FAM50B: variants seen among roughly 807,000 people sequenced by gnomAD.
FAM50B encodes the protein protein FAM50B.
A neutral mutation model predicts 25.4 loss-of-function variants in FAM50B; 9 were observed. The ratio of observed to expected loss-of-function variants is 0.35; its 90% confidence interval spans 0.21 to 0.62. The LOEUF (loss-of-function observed/expected upper bound fraction) is 0.62, where lower values mean the gene tolerates loss of function less well. FAM50B is among the 20% of genes least tolerant of loss of function. FAM50B has a pLI of 0.73. For missense variants in FAM50B, 372 were observed against 477.9 expected (o/e 0.78, Z 2.07); for synonymous variants, 212 against 204.3 (o/e 1.04, Z -0.32).
upstream of FAM50B, among the ~76,000 whole-genome samples, chr6:3,846,280 A>G (rs1350376763): frequency 6.6e-6 from 1 of 152,260 alleles, no homozygotes; most frequent in Non-Finnish European, 1.5e-5. Flanking sequence ...AGACCACCAC[A>G]AAGACAGTCA....
upstream of FAM50B, among the ~76,000 whole-genome samples, chr6:3,847,703 CTGTT>C (rs1255520073): frequency 5.3e-5 from 8 of 152,230 alleles, no homozygotes; most frequent in Admixed American, 1.3e-4. Flanking sequence ...ACTTAGCTAA[CTGTT>C]TGGCAAAAGA....
rs757035966 is a variant in FAM50B at position 3,850,695 on chromosome 6, G to T, written c.884G>T (p.Arg295Leu). The T allele has an allele frequency of 6.2e-7, 1 of 1,614,102 alleles. No individual in the cohort carries two copies. The highest frequency in any genetic ancestry group is 8.5e-7 in the Non-Finnish European group (1 of 1,180,030). Residue 295 changes from arginine (R) to leucine (L), a missense_variant, in exon 2 of 2, where the codon CGC (arginine) becomes CTC (leucine). Physicochemically the swap from Arg to Leu is moderately radical, Grantham distance 102. Around this residue, in one of 4 missense-constraint regions of FAM50B, gnomAD observed 57 missense variants for 65.8 expected, o/e 0.87. Coordinates refer to ENST00000648326, the MANE Select transcript of FAM50B (RefSeq NM_012135.3). Reference protein sequence around the residue: ...DESHAGKVVLRSWYEKNKHIF... With the variant: ...DESHAGKVVLLSWYEKNKHIF... ...TCGCACGCGGGCAAGGTGGTGCTGC[G>T]CAGCTGGTACGAGAAGAACAAGCAC...
the FAM50B span, among the ~76,000 whole-genome samples, chr6:3,834,157 T>C: frequency 2.0e-5 from 3 of 151,812 alleles, no homozygotes; most frequent in African/African-American, 4.8e-5. Context: ...TAACTACATA[T>C]GTAAAAAGAA....
the FAM50B span, among the ~76,000 whole-genome samples, chr6:3,832,406 T>C: frequency 6.6e-6 from 1 of 152,208 alleles, no homozygotes; most frequent in Non-Finnish European, 1.5e-5. Flanking sequence ...ACTTAAAATG[T>C]TCTCCTCCCT....
upstream of FAM50B, chr6:3,849,343 C>G (rs905235311): frequency 6.4e-6 from 1 of 156,678 alleles, no homozygotes; most frequent in Non-Finnish European, 1.4e-5. Flanking sequence ...CCTCAGGGCC[C>G]GCCTCCCCGC....
intron 1 of FAM50B, 52 bp from the exon 2 acceptor site, chr6:3,849,737 C>T: frequency 1.1e-5 from 17 of 1,494,278 alleles, no homozygotes; most frequent in Admixed American, 6.3e-5. Context: ...GAGCATTCCC[C>T]GCCGTTGCGT....
At chr6:3,833,163 G>A in the FAM50B span, among the ~76,000 whole-genome samples, 21 of 152,078 alleles carry the variant, frequency 1.4e-4, no homozygotes, top group African/African-American at 3.4e-4. Flanking sequence ...CCTGGCAACC[G>A]TTTTAATTTT....
the FAM50B span, among the ~76,000 whole-genome samples, chr6:3,841,090 T>G: frequency 6.6e-6 from 1 of 152,172 alleles, no homozygotes; most frequent in Non-Finnish European, 1.5e-5. Context: ...AGTCTGCAGA[T>G]AGTTAAAAGA....
In FAM50B at chr6:3,850,663, G is replaced by A. The variant is rs934092798; in HGVS notation, c.852G>A (p.Lys284=). The change falls in exon 2 of 2, where the codon AAG becomes AAA. Residue 284 remains lysine, a synonymous_variant. Transcript: ENST00000648326. ...TGCTCAGCGACGCCACCATGGAGAA[G>A]GACGAGTCGCACGCGGGCAAGGTGG... is the stretch of plus-strand genomic sequence containing the variant. ...VRLLSDATME[K]DESHAGKVVL... The A allele has an allele frequency of 6.2e-7, 1 of 1,614,170 alleles. No individual in the cohort carries two copies. The highest frequency in any genetic ancestry group is 2.2e-5 in the East Asian group (1 of 44,872).
chr6:3,834,515 T>C, the FAM50B span, among the ~76,000 whole-genome samples: 1 of 151,956 alleles, frequency 6.6e-6, no homozygotes, highest in East Asian at 1.9e-4. Context: ...AAGAAAACAA[T>C]TGGTAAAAGA....
Position 3,850,901 on chromosome 6 carries a change from A to C in FAM50B, c.*112A>C. Reference sequence around the variant, plus strand: ...ATTTCTTCCCCCAAATTTAATAAAGACAGAGGGTTCTCATGATTCACATTG... The same window carrying C: ...ATTTCTTCCCCCAAATTTAATAAAGCCAGAGGGTTCTCATGATTCACATTG... On this transcript the variant is annotated 3_prime_UTR_variant, in exon 2 of 2. Coordinates refer to ENST00000648326, the MANE Select transcript of FAM50B (RefSeq NM_012135.3). The C allele has an allele frequency of 6.8e-7, 1 of 1,467,770 alleles. No homozygotes were observed. The highest frequency in any genetic ancestry group is 9.1e-7 in the Non-Finnish European group (1 of 1,095,524). The allele number at this position is 1,467,770 out of a possible 1,614,324, so 90.9% of individuals were successfully genotyped here. A position where few individuals can be genotyped will look rare whatever the true frequency, so the allele number is the denominator to read the frequency against.
At chr6:3,849,071 T>C (rs2239713), upstream of FAM50B, among the ~76,000 whole-genome samples, 112,990 of 152,214 alleles carry the variant, frequency 0.74, 42,561 homozygotes, top group African/African-American at 0.86. Context: ...GTGTTTACAG[T>C]TGGGCACGAG....
At chr6:3,844,443 G>C (rs1224919059), upstream of FAM50B, among the ~76,000 whole-genome samples, 1 of 152,158 alleles carries the variant, frequency 6.6e-6, no homozygotes, top group Non-Finnish European at 1.5e-5. Context: ...GGGCGAGGTG[G>C]CTCACGCCTG....
At position 3,850,655 on chromosome 6, in the gene FAM50B, A is replaced by T; in HGVS notation, c.844A>T (p.Met282Leu). 6.2e-7 allele frequency: 1 copy of T among 1,614,128 alleles called. No individual in the cohort carries two copies. The highest frequency in any genetic ancestry group is 1.6e-4 in the Middle Eastern group (1 of 6,062). ...CGTGCGCCTGCTCAGCGACGCCACC[A>T]TGGAGAAGGACGAGTCGCACGCGGG... ...DDVRLLSDAT[M>L]EKDESHAGKV... Residue 282 changes from methionine (M) to leucine (L), a missense_variant, in exon 2 of 2, where the codon ATG (methionine) becomes TTG (leucine). This residue lies in a region of FAM50B where 57 missense variants were observed against 65.8 expected (regional missense o/e 0.87). Transcript: ENST00000648326.
At chr6:3,839,221 AG>A in the FAM50B span, among the ~76,000 whole-genome samples, 5 of 151,756 alleles carry the variant, frequency 3.3e-5, no homozygotes, top group African/African-American at 7.3e-5. Context: ...TCACATGGTG[AG>A]GGGGGACGCA....
At chr6:3,839,798 C>T in the FAM50B span, among the ~76,000 whole-genome samples, 1 of 152,130 alleles carries the variant, frequency 6.6e-6, no homozygotes, top group Admixed American at 6.5e-5. Flanking sequence ...GACACTGGGA[C>T]GTGCTAGCCA....
the FAM50B span, among the ~76,000 whole-genome samples, chr6:3,835,512 C>A: frequency 6.6e-6 from 1 of 152,160 alleles, no homozygotes; most frequent in Non-Finnish European, 1.5e-5. Context: ...TGAGTTAGGG[C>A]CTTTGCTGAG....
Position 3,849,844 on chromosome 6 carries a change from A to G in FAM50B, c.33A>G (p.Ala11=). Residue 11 remains alanine (A), a synonymous_variant, in exon 2 of 2, where the codon GCA becomes GCG. Transcript: ENST00000648326. ...AGTACAAGGGCACCATGCGCGAGGC[A>G]GGCCGTGCCATGCACCTCCTCAAGA... MAQYKGTMRE[A]GRAMHLLKKR... is the part of the protein sequence containing the mutation. 1 of 1,612,674 alleles carries G rather than the reference A, an allele frequency of 6.2e-7. No individual in the cohort carries two copies.
At chr6:3,846,910 T>C (rs1469662150), upstream of FAM50B, among the ~76,000 whole-genome samples, 1 of 152,254 alleles carries the variant, frequency 6.6e-6, no homozygotes, top group Non-Finnish European at 1.5e-5. Context: ...TCCTTGAGCA[T>C]CTCCATCAAG....
Sources: gnomAD v4.1 joint callset for allele counts (sites outside exome capture counted in the v4.1 genomes callset) on GRCh38, gnomAD v4.1.1 for gene constraint, gnomAD v4.1.1 regional missense constraint, MANE v1.5 for transcripts, NCBI Gene and HGNC (gene_info 2026-07-23, HGNC 2026-07-21) for gene names.